Variants in ANKAR observed in about 807,000 individuals in gnomAD.
ANKAR encodes ankyrin and armadillo repeat containing.
ANKAR carries 136 observed loss-of-function variants against 146.2 expected under a neutral mutation model. That is an observed-to-expected ratio of 0.93 (90% CI 0.81 to 1.07). ANKAR has a LOEUF of 1.07. Ranked by LOEUF, ANKAR falls within the 50% of genes least tolerant of loss-of-function variation. The pLI is 0.00. For missense variants in ANKAR, 1,567 were observed against 1,679.9 expected (o/e 0.93, Z 1.18); for synonymous variants, 500 against 575.8 (o/e 0.87, Z 1.88).
At chr2:189,718,907 G>A (rs377593369) in intron 10 of ANKAR, among the ~76,000 whole-genome samples, 5,225 of 151,198 alleles carry the variant, frequency 0.035, 103 homozygotes, top group South Asian at 0.069. Flanking sequence ...CCGCCACCGC[G>A]CCCGGCTAAT....
At chr2:189,735,809 G>A (rs1202738434) in intron 17 of ANKAR, among the ~76,000 whole-genome samples, 3 of 152,152 alleles carry the variant, frequency 2.0e-5, no homozygotes, top group Non-Finnish European at 2.9e-5. Context: ...CATAAAATTA[G>A]TTGCATTAAT....
intron 7 of ANKAR, among the ~76,000 whole-genome samples, chr2:189,701,153 A>G (rs1398244658): frequency 1.3e-5 from 2 of 152,154 alleles, no homozygotes; most frequent in Admixed American, 1.3e-4. Flanking sequence ...AAAATTATCA[A>G]TCATTATTGT....
chr2:189,685,642 A>G (rs975403337), intron 2 of ANKAR, among the ~76,000 whole-genome samples: 3 of 152,118 alleles, frequency 2.0e-5, no homozygotes, highest in Admixed American at 6.6e-5. Flanking sequence ...ACTTCACTGT[A>G]GAGTGATGAG....
At chr2:189,718,060 C>T (rs146511768) in intron 10 of ANKAR, among the ~76,000 whole-genome samples, 32 of 148,772 alleles carry the variant, frequency 2.2e-4, no homozygotes, top group Middle Eastern at 3.4e-3. Flanking sequence ...ACATTGTGCA[C>T]GTGTACCCTA....
At chr2:189,688,278 A>G (rs1009713457) in intron 2 of ANKAR, among the ~76,000 whole-genome samples, 2 of 152,086 alleles carry the variant, frequency 1.3e-5, no homozygotes, top group Non-Finnish European at 1.5e-5. Flanking sequence ...TTGTATAAGT[A>G]TGGATTTGTT....
chr2:189,696,848 C>A (rs1367110613), intron 7 of ANKAR, among the ~76,000 whole-genome samples: 2 of 152,152 alleles, frequency 1.3e-5, no homozygotes, highest in African/African-American at 4.8e-5. Flanking sequence ...CCAGGATCCT[C>A]AAACAGGGAA....
At chr2:189,751,007 A>G (rs2045097703), downstream of ANKAR, among the ~76,000 whole-genome samples, 2 of 152,250 alleles carry the variant, frequency 1.3e-5, no homozygotes, top group African/African-American at 4.8e-5. Flanking sequence ...CCACACAGCT[A>G]AAGTCAAACC....
intron 18 of ANKAR, chr2:189,752,538 A>G (rs908621105): frequency 1.0e-6 from 1 of 953,026 alleles, no homozygotes; most frequent in Admixed American, 2.5e-5. Context: ...AAATTTATGT[A>G]ACTTTCCTTC....
intron 12 of ANKAR, among the ~76,000 whole-genome samples, chr2:189,722,002 T>G (rs1299239905): frequency 6.6e-6 from 1 of 152,176 alleles, no homozygotes; most frequent in Non-Finnish European, 1.5e-5. Flanking sequence ...ATGCTCTCTC[T>G]GTTCAAGTGT....
rs754994558 is a variant in ANKAR, at chr2:189,676,927, T to C, written c.437T>C (p.Ile146Thr). The change falls in exon 2 of 23, where the codon ATT becomes ACT. Residue 146 changes from isoleucine to threonine, a missense_variant. Coordinates refer to ENST00000684021, the MANE Select transcript of ANKAR (RefSeq NM_001378068.1). ...PAYYDTRIGQ[I>T]LINIDYMLKA... ...TATTATGATACCAGAATTGGGCAAATTCTGATCAATATTGACTACATGCTG... is the reference window on the plus strand; with the variant it reads ...TATTATGATACCAGAATTGGGCAAACTCTGATCAATATTGACTACATGCTG... The C allele has an allele frequency of 2.5e-6, 4 of 1,614,144 alleles. No homozygotes were observed. The highest frequency in any genetic ancestry group is 3.4e-6 in the Non-Finnish European group (4 of 1,180,038).
intron 4 of ANKAR, chr2:189,692,640 A>T: frequency 2.5e-6 from 1 of 405,682 alleles, no homozygotes; most frequent in Non-Finnish European, 4.3e-6. Flanking sequence ...TAAATAAGCT[A>T]GGTACATCTA....
At chr2:189,715,828 C>T (rs562588077) in intron 10 of ANKAR, among the ~76,000 whole-genome samples, 1,680 of 149,780 alleles carry the variant, frequency 0.011, 34 homozygotes, top group African/African-American at 0.038. Context: ...ACAGAACCAA[C>T]GACAAAAACC....
chr2:189,687,694 G>A (rs540845912), intron 2 of ANKAR, among the ~76,000 whole-genome samples: 10 of 152,150 alleles, frequency 6.6e-5, no homozygotes, highest in African/African-American at 1.7e-4. Context: ...GTTTTGATTT[G>A]CATTTCTCTG....
At chr2:189,736,502 T>TTTTTTTTTGTGTGTG (rs1422561376) in intron 17 of ANKAR, among the ~76,000 whole-genome samples, 8 of 142,066 alleles carry the variant, frequency 5.6e-5, no homozygotes, top group African/African-American at 2.0e-4. Context: ...TGACTGGGTT[T>TTTTTTTTTGTGTGTG]TGTGTGTGTG....
chr2:189,718,904 C>T (rs1334242088), intron 10 of ANKAR, among the ~76,000 whole-genome samples: 3 of 151,558 alleles, frequency 2.0e-5, no homozygotes, highest in Non-Finnish European at 2.9e-5. Context: ...CGCCCGCCAC[C>T]GCGCCCGGCT....
At chr2:189,730,840 T>C (rs978107326) in intron 16 of ANKAR, among the ~76,000 whole-genome samples, 5 of 152,222 alleles carry the variant, frequency 3.3e-5, no homozygotes, top group Non-Finnish European at 7.3e-5. Context: ...TAGGGTTTCT[T>C]CAAATATGAC....
Position 189,733,170 on chromosome 2 carries a change from C to T in ANKAR, c.3364C>T (p.His1122Tyr), listed in dbSNP as rs761649640. The change falls in exon 17 of 23, where the codon CAT becomes TAT. Residue 1122 changes from histidine to tyrosine, a missense_variant. Coordinates refer to ENST00000684021, the MANE Select transcript of ANKAR (RefSeq NM_001378068.1). The stretch of plus-strand genomic sequence containing the variant: ...GAATGATGTGTTACAGAAAGACTTA[C>T]ATGAAAATGAAGGATTTGAATATGC... ...LGNDVLQKDL[H>Y]ENEGFEYADV... 56 of 1,612,276 alleles carry T rather than the reference C, an allele frequency of 3.5e-5. No individual in the cohort carries two copies. Among genetic ancestry groups the T allele is most frequent in the Non-Finnish European group, 4.7e-5 (55 of 1,179,004 alleles).
intron 18 of ANKAR, among the ~76,000 whole-genome samples, chr2:189,753,724 C>T (rs1245346822): frequency 6.6e-6 from 1 of 152,168 alleles, no homozygotes; most frequent in Non-Finnish European, 1.5e-5. Context: ...AGAAGCTATA[C>T]AGCTGTCCCA....
intron 17 of ANKAR, among the ~76,000 whole-genome samples, chr2:189,735,764 T>C (rs1467610536): frequency 6.6e-6 from 1 of 152,222 alleles, no homozygotes; most frequent in Non-Finnish European, 1.5e-5. Context: ...GAATAATATA[T>C]GAAATGGACC....
Sources: gnomAD v4.1 joint callset for allele counts (sites outside exome capture counted in the v4.1 genomes callset) on GRCh38, gnomAD v4.1.1 for gene constraint, MANE v1.5 for transcripts, NCBI Gene and HGNC (gene_info 2026-07-23, HGNC 2026-07-21) for gene names.